FREM2: variants seen among roughly 807,000 people sequenced by gnomAD.
FREM2 encodes the protein FRAS1-related extracellular matrix protein 2.
In FREM2, 119 loss-of-function variants were observed where a neutral mutation model predicts 219.9. That is an observed-to-expected ratio of 0.54 (90% CI 0.47 to 0.63). The LOEUF (loss-of-function observed/expected upper bound fraction) is 0.63. Among genes scored for constraint, FREM2 ranks in the 30% least tolerant of loss-of-function variants. The pLI is 0.00. For synonymous variants in FREM2, 1,562 were observed against 1,522.8 expected (o/e 1.03, Z -0.60); for missense variants, 4,030 against 3,993.6 (o/e 1.01, Z -0.25).
intron 6 of FREM2, among the ~76,000 whole-genome samples, chr13:38,833,590 G>A (rs552989816): frequency 6.6e-6 from 1 of 152,060 alleles, no homozygotes; most frequent in Admixed American, 6.6e-5. Flanking sequence ...CAATTTTTAG[G>A]TTCAACATTG....
At chr13:38,773,979 A>AT (rs1352601355) in intron 4 of FREM2, among the ~76,000 whole-genome samples, 24 of 150,656 alleles carry the variant, frequency 1.6e-4, no homozygotes, top group African/African-American at 5.1e-4. Context: ...AAATATGTAT[A>AT]AAATATATAA....
chr13:38,712,685 C>T (rs1419418141), intron 2 of FREM2, among the ~76,000 whole-genome samples: 1 of 151,786 alleles, frequency 6.6e-6, no homozygotes, highest in African/African-American at 2.4e-5. Flanking sequence ...CAAACACACA[C>T]ACACACAAGT....
intron 2 of FREM2, among the ~76,000 whole-genome samples, chr13:38,755,154 GC>G (rs980206573): frequency 6.6e-6 from 1 of 151,938 alleles, no homozygotes. Context: ...GCCTGCCTCG[GC>G]CCCCCAAAGT....
At chr13:38,845,252 T>G (rs906418164) in intron 6 of FREM2, among the ~76,000 whole-genome samples, 5 of 117,444 alleles carry the variant, frequency 4.3e-5, no homozygotes, top group African/African-American at 6.6e-5. Flanking sequence ...ATACTCAACT[T>G]GAACAATGCA....
At chr13:38,763,308 T>C (rs886579703) in intron 2 of FREM2, among the ~76,000 whole-genome samples, 6 of 152,198 alleles carry the variant, frequency 3.9e-5, no homozygotes, top group African/African-American at 1.2e-4. Context: ...TGTATTTTCA[T>C]GTCTTCGCTC....
In FREM2 at chr13:38,696,993, T is replaced by C. The variant is rs148849760; in HGVS notation, c.5174-705T>C. 3.5e-3 allele frequency among the ~76,000 whole-genome samples: 537 copies of C among 151,882 alleles called. 2 individuals are homozygous for C. Among genetic ancestry groups the C allele is most frequent in the African/African-American group, 0.012 (510 of 41,424 alleles). ...CAGCCAATTTTTAATAGAGACAGGG[T>C]TTCACCATGTTGGCCAGGCTGGTCT... On this transcript the variant is annotated intron_variant, in intron 1 of 23. Coordinates refer to ENST00000280481, the MANE Select transcript of FREM2 (RefSeq NM_207361.6).
In FREM2 at chr13:38,692,018, C is replaced by G. The variant is rs769015024; in HGVS notation, c.4674C>G (p.Val1558=). 10 of 1,614,224 alleles carry G rather than the reference C, an allele frequency of 6.2e-6. No homozygotes were observed. The highest frequency in any genetic ancestry group is 1.3e-5 in the African/African-American group (1 of 75,046). ...TGATTACTCCTTTTGAGCTCACTGT[C>G]GAAGACAGAGATACTCCTGACAAGC... ...NKLITPFELT[V]EDRDTPDKLL... The change falls in exon 1 of 24, where the codon GTC becomes GTG. Residue 1558 remains valine, a synonymous_variant. Transcript: ENST00000280481.
At chr13:38,775,401 A>T (rs1310158704) in intron 4 of FREM2, among the ~76,000 whole-genome samples, 1 of 152,194 alleles carries the variant, frequency 6.6e-6, no homozygotes, top group Non-Finnish European at 1.5e-5. Flanking sequence ...ATTTTTTAAA[A>T]AGAAACTATC....
At chr13:38,721,349 T>G (rs892840972) in intron 2 of FREM2, among the ~76,000 whole-genome samples, 7 of 151,740 alleles carry the variant, frequency 4.6e-5, no homozygotes, top group Non-Finnish European at 1.0e-4. Context: ...ATAGGTAGGG[T>G]CAGAGATGGA....
At chr13:38,724,200 A>C (rs1325832041) in intron 2 of FREM2, among the ~76,000 whole-genome samples, 2 of 152,184 alleles carry the variant, frequency 1.3e-5, no homozygotes, top group Non-Finnish European at 2.9e-5. Context: ...AGCAAGGAGG[A>C]GTGGGCAGCA....
chr13:38,778,983 A>G (rs1329932406), intron 4 of FREM2, among the ~76,000 whole-genome samples: 1 of 152,202 alleles, frequency 6.6e-6, no homozygotes, highest in Non-Finnish European at 1.5e-5. Flanking sequence ...TTGGTGTATT[A>G]TTTGTACTCA....
rs1347995229 is a variant in FREM2 at position 38,688,206 on chromosome 13, T to A, written c.862T>A (p.Ser288Thr). Residue 288 changes from serine (S) to threonine (T), a missense_variant, in exon 1 of 24, where the codon TCA becomes ACA. Ser to Thr is a moderately conservative substitution (Grantham distance 58). Around this residue, in one of 2 missense-constraint regions of FREM2, gnomAD observed 3,102 missense variants for 2,950.7 expected, o/e 1.05. Coordinates refer to ENST00000280481, the MANE Select transcript of FREM2 (RefSeq NM_207361.6). ...DWIPMVVELRSRGAPVGSPAL... is the reference protein window; with the variant it reads ...DWIPMVVELRTRGAPVGSPAL... The stretch of plus-strand genomic sequence containing the variant: ...GATACCCATGGTGGTGGAGCTGCGT[T>A]CACGAGGGGCTCCTGTGGGCAGCCC... The A allele has an allele frequency of 6.2e-7, 1 of 1,613,100 alleles. No individual in the cohort carries two copies. Among genetic ancestry groups the A allele is most frequent in the Non-Finnish European group, 8.5e-7 (1 of 1,179,566 alleles).
intron 2 of FREM2, among the ~76,000 whole-genome samples, chr13:38,726,602 C>T (rs1281008105): frequency 6.6e-6 from 1 of 152,118 alleles, no homozygotes; most frequent in African/African-American, 2.4e-5. Flanking sequence ...TTGAGAACTA[C>T]TCTGTCACTC....
chr13:38,800,123 T>C (rs1192355354), intron 6 of FREM2, among the ~76,000 whole-genome samples: 1 of 152,186 alleles, frequency 6.6e-6, no homozygotes, highest in Non-Finnish European at 1.5e-5. Flanking sequence ...TCCTTTCTTT[T>C]CCTCATTTGT....
chr13:38,761,889 G>A (rs1266528290), intron 2 of FREM2, among the ~76,000 whole-genome samples: 1 of 152,130 alleles, frequency 6.6e-6, no homozygotes, highest in Non-Finnish European at 1.5e-5. Flanking sequence ...AGAGTGCAAG[G>A]GGAACAATCA....
At chr13:38,780,441 A>T (rs548414612) in intron 4 of FREM2, among the ~76,000 whole-genome samples, 9 of 152,146 alleles carry the variant, frequency 5.9e-5, no homozygotes, top group Non-Finnish European at 1.0e-4. Context: ...AGCTTCTATG[A>T]TCGCTTGCCT....
At chr13:38,753,374 G>A (rs1415212440) in intron 2 of FREM2, among the ~76,000 whole-genome samples, 1 of 152,178 alleles carries the variant, frequency 6.6e-6, no homozygotes. Context: ...TAAACCAGGA[G>A]TGAAATCCCT....
intron 9 of FREM2, 39 bp from the exon 10 acceptor site, chr13:38,850,905 C>T: frequency 6.2e-7 from 1 of 1,604,306 alleles, no homozygotes; most frequent in Non-Finnish European, 8.5e-7. Context: ...AGATATATTC[C>T]TATGGGATGT....
chr13:38,738,343 A>G (rs1238562961), intron 2 of FREM2, among the ~76,000 whole-genome samples: 5 of 152,024 alleles, frequency 3.3e-5, no homozygotes, highest in African/African-American at 7.2e-5. Flanking sequence ...AAGTGGGTGG[A>G]TCACCTGAGG....
Sources: gnomAD v4.1 joint callset for allele counts (sites outside exome capture counted in the v4.1 genomes callset) on GRCh38, gnomAD v4.1.1 for gene constraint, gnomAD v4.1.1 regional missense constraint, MANE v1.5 for transcripts, NCBI Gene and HGNC (gene_info 2026-07-23, HGNC 2026-07-21) for gene names.